Variants in FOXA3 observed in about 807,000 individuals in gnomAD.
FOXA3 encodes the protein forkhead box A3.
FOXA3 carries 11 observed loss-of-function variants against 16.9 expected under a neutral mutation model. The observed-to-expected ratio is 0.65, with a 90% CI of 0.41 to 1.08. FOXA3 has a LOEUF of 1.08. FOXA3 is among the 50% of genes least tolerant of loss of function. FOXA3 has a pLI of 0.00. For missense variants in FOXA3, 423 were observed against 470.1 expected, an observed-to-expected ratio of 0.90 and a Z score of 0.93; for synonymous variants, 217 against 203.3, an observed-to-expected ratio of 1.07 and a Z score of -0.57.
chr19:45,872,726 A>G lies in FOXA3; in HGVS notation c.721A>G (p.Thr241Ala), dbSNP rs1966921106. 1 of 1,601,602 alleles carries G rather than the reference A, an allele frequency of 6.2e-7. No homozygotes were observed. Among genetic ancestry groups the G allele is most frequent in the East Asian group, 2.3e-5 (1 of 44,408 alleles). The change falls in exon 2 of 2, where the codon ACC becomes GCC. Residue 241 changes from threonine to alanine, a missense_variant. By Grantham distance (58) the Thr-to-Ala change is moderately conservative. This residue lies in a region of FOXA3 where 168 missense variants were observed against 179.3 expected (regional missense o/e 0.94). Transcript: ENST00000302177. This position sits in a 1 kb window ranked among gnomAD's most constrained non-coding sequence, Gnocchi z 4.5. ...CGGGACAGGGTCTGCTGCCTCGACC[A>G]CCACCCCCGCGGCCACAGTCACCTC... is the stretch of plus-strand genomic sequence containing the variant. ...RNGTGSAAST[T>A]TPAATVTSPP... is the part of the protein sequence containing the mutation.
intron 1 of FOXA3, among the ~76,000 whole-genome samples, chr19:45,866,239 T>C (rs1972083975): frequency 6.6e-6 from 1 of 151,918 alleles, no homozygotes; most frequent in Non-Finnish European, 1.5e-5. Context: ...TAGGGAGACC[T>C]TGTCTTTAAA....
intron 1 of FOXA3, among the ~76,000 whole-genome samples, chr19:45,869,988 G>A (rs889386048): frequency 1.3e-5 from 2 of 151,780 alleles, no homozygotes; most frequent in Non-Finnish European, 2.9e-5. Flanking sequence ...GTTTTGCCAT[G>A]TTGGCCAGGC....
chr19:45,867,471 GGATA>G (rs1488972596), intron 1 of FOXA3, among the ~76,000 whole-genome samples: 4 of 151,644 alleles, frequency 2.6e-5, no homozygotes, highest in South Asian at 2.1e-4. Flanking sequence ...ATGGATGGAT[GGATA>G]GATAGATTGA....
intron 1 of FOXA3, among the ~76,000 whole-genome samples, chr19:45,870,192 G>A (rs940348561): frequency 7.3e-5 from 10 of 136,616 alleles, no homozygotes; most frequent in African/African-American, 1.4e-4. Flanking sequence ...TTTTTTTTGA[G>A]ACAGAATCTC....
In FOXA3 at chr19:45,872,041, G is replaced by A. The variant is rs762614607; in HGVS notation, c.70-34G>A. The A allele has an allele frequency of 1.7e-5, 27 of 1,603,714 alleles. No individual in the cohort carries two copies. Among genetic ancestry groups the A allele is most frequent in the Non-Finnish European group, 2.0e-5 (24 of 1,174,164 alleles). On this transcript the variant is annotated intron_variant, in intron 1 of 1. Transcript: ENST00000302177. The surrounding 1 kb of genome is among the most constrained non-coding windows in gnomAD (Gnocchi z 4.5). The stretch of plus-strand genomic sequence containing the variant: ...ATCCTTTGCTGACCAGCAGAGTGGA[G>A]CCCCACTGACCCCTCCTTTCATCTT...
chr19:45,871,676 T>C (rs1441235428), intron 1 of FOXA3, among the ~76,000 whole-genome samples: 1 of 151,522 alleles, frequency 6.6e-6, no homozygotes, highest in African/African-American at 2.4e-5. Context: ...GGAGGTTGCA[T>C]TGAGGTGAGA....
At chr19:45,867,414 G>GAGATAGAT (rs10682335) in intron 1 of FOXA3, among the ~76,000 whole-genome samples, 19,097 of 143,440 alleles carry the variant, frequency 0.13, 1,308 homozygotes, top group South Asian at 0.17. Flanking sequence ...TGAAGGGAGG[G>GAGATAGAT]AGATAGATAG....
Position 45,873,145 on chromosome 19 carries a change from G to T in FOXA3, c.*87G>T. On this transcript the variant is annotated 3_prime_UTR_variant, in exon 2 of 2. Transcript: ENST00000302177. ...TGATCCTTCTGGTGACACTTCACTT[G>T]TCCCATTGGTTAACATCTGGGTGGG... 1 of 1,542,334 alleles carries T rather than the reference G, an allele frequency of 6.5e-7. No homozygotes were observed. The highest frequency in any genetic ancestry group is 8.8e-7 in the Non-Finnish European group (1 of 1,142,046).
Position 45,873,039 on chromosome 19 carries a change from C to T in FOXA3, c.1034C>T (p.Ser345Phe). 1.2e-6 allele frequency: 2 copies of T among 1,601,282 alleles called. No individual in the cohort carries two copies. Among genetic ancestry groups the T allele is most frequent in the Non-Finnish European group, 1.7e-6 (2 of 1,173,524 alleles). ...GVYYQGLYSRSLLNAS is the reference protein window; with the variant it reads ...GVYYQGLYSRFLLNAS ...TACTACCAGGGCCTCTATTCCCGCTCTTTGCTTAATGCATCCTAGCAGGGG... is the reference window on the plus strand; with the variant it reads ...TACTACCAGGGCCTCTATTCCCGCTTTTTGCTTAATGCATCCTAGCAGGGG... Residue 345 changes from serine (S) to phenylalanine (F), a missense_variant, in exon 2 of 2, where the codon TCT (serine) becomes TTT (phenylalanine). This residue lies in a region of FOXA3 where 168 missense variants were observed against 179.3 expected (regional missense o/e 0.94). Coordinates refer to ENST00000302177, the MANE Select transcript of FOXA3 (RefSeq NM_004497.3).
intron 1 of FOXA3, among the ~76,000 whole-genome samples, chr19:45,865,685 C>T (rs563509271): frequency 4.6e-5 from 7 of 152,028 alleles, no homozygotes; most frequent in Non-Finnish European, 7.4e-5. Flanking sequence ...GGGCTCGAAA[C>T]TGTAGGGTGG....
intron 1 of FOXA3, among the ~76,000 whole-genome samples, chr19:45,868,563 C>T (rs764152696): frequency 7.2e-6 from 1 of 139,370 alleles, no homozygotes; most frequent in East Asian, 2.1e-4. Flanking sequence ...CTGGGCGATA[C>T]AGTGAGACTC....
rs1218486591 is a variant in FOXA3 at position 45,870,618 on chromosome 19, A to C, written c.70-1457A>C. ...AGTCTTGCTCTGTTGTCCTGGCTGG[A>C]GTGTGCAGTGGCATGATCTCAGCTC... On this transcript the variant is annotated intron_variant, in intron 1 of 1. Coordinates refer to ENST00000302177, the MANE Select transcript of FOXA3 (RefSeq NM_004497.3). Among the ~76,000 whole-genome samples, 7 of 118,444 alleles carry C rather than the reference A, an allele frequency of 5.9e-5. No homozygotes were observed. The Admixed American group carries it at 6.7e-4, about 11-fold the overall frequency. The allele number at this position is 118,444 out of a possible 152,430, so 77.7% of individuals were successfully genotyped here. A position where few individuals can be genotyped will look rare whatever the true frequency, so the allele number is the denominator to read the frequency against.
In FOXA3 at chr19:45,864,431, G is replaced by A. The variant is rs748631272; in HGVS notation, c.-26G>A. On this transcript the variant is annotated 5_prime_UTR_variant, in exon 1 of 2. Coordinates refer to ENST00000302177, the MANE Select transcript of FOXA3 (RefSeq NM_004497.3). ...TCCGTTCCCCCGGGGCCGGAGCGGG[G>A]GCGGGTGGGGGCGTAAGCCCGGGGG... 7.1e-7 allele frequency: 1 copy of A among 1,408,640 alleles called. No homozygotes were observed. The highest frequency in any genetic ancestry group is 9.4e-7 in the Non-Finnish European group (1 of 1,067,576). 87.3% of individuals were successfully genotyped at this position (1,408,640 alleles called of 1,614,324 possible).
At chr19:45,868,533 T>C (rs867401924) in intron 1 of FOXA3, among the ~76,000 whole-genome samples, 27 of 149,756 alleles carry the variant, frequency 1.8e-4, no homozygotes, top group Middle Eastern at 3.5e-3. Flanking sequence ...TGAGCTGAGA[T>C]TGCACCACTG....
At position 45,872,025 on chromosome 19, in the gene FOXA3, TGACCAGCA is replaced by T; in HGVS notation, c.70-47_70-40del. Reference sequence around the variant, plus strand: ...CTCAGTGGGTCCTGGGATCCTTTGCTGACCAGCAGAGTGGAGCCCCACTGACCCCTCCT... The same window carrying T: ...CTCAGTGGGTCCTGGGATCCTTTGCTGAGTGGAGCCCCACTGACCCCTCCT... On this transcript the variant is annotated intron_variant, in intron 1 of 1. Coordinates refer to ENST00000302177, the MANE Select transcript of FOXA3 (RefSeq NM_004497.3). This position sits in a 1 kb window ranked among gnomAD's most constrained non-coding sequence, Gnocchi z 4.5. The T allele has an allele frequency of 6.3e-7, 1 of 1,584,470 alleles. No individual in the cohort carries two copies. The highest frequency in any genetic ancestry group is 8.6e-7 in the Non-Finnish European group (1 of 1,160,218).
At chr19:45,873,786 GTCCGCCTCTTACT>G (rs2146363902) in exon 2 of FOXA3, 1 of 152,786 alleles carries the variant, frequency 6.5e-6, no homozygotes, top group South Asian at 2.1e-4. Context: ...AAGGTACCGT[GTCCGCCTCTTACT>G]GAATGTCTCT....
intron 1 of FOXA3, among the ~76,000 whole-genome samples, chr19:45,867,925 C>T (rs1334838441): frequency 1.4e-5 from 2 of 146,994 alleles, no homozygotes; most frequent in African/African-American, 2.5e-5. Context: ...GAGAGAGAGA[C>T]AGGGGCCGAG....
At chr19:45,870,553 C>G (rs969019136) in intron 1 of FOXA3, among the ~76,000 whole-genome samples, 13 of 148,820 alleles carry the variant, frequency 8.7e-5, no homozygotes, top group South Asian at 2.1e-4. Flanking sequence ...GTTTTGGTCT[C>G]AGGACCACCC....
At position 45,872,163 on chromosome 19, in the gene FOXA3, G is replaced by T; in HGVS notation, c.158G>T (p.Gly53Val). 1 of 1,589,388 alleles carries T rather than the reference G, an allele frequency of 6.3e-7. No individual in the cohort carries two copies. Among genetic ancestry groups the T allele is most frequent in the Non-Finnish European group, 8.6e-7 (1 of 1,167,310 alleles). The change falls in exon 2 of 2, where the codon GGG (glycine) becomes GTG (valine). Residue 53 changes from glycine to valine, a missense_variant. Physicochemically the swap from Gly to Val is moderately radical, Grantham distance 109. Around this residue, in one of 3 missense-constraint regions of FOXA3, gnomAD observed 170 missense variants for 153.9 expected, o/e 1.10. Transcript: ENST00000302177. The surrounding 1 kb of genome is among the most constrained non-coding windows in gnomAD (Gnocchi z 4.5). Reference protein sequence around the residue: ...LNPLSSPYPPGGLPASPLPSG... With the variant: ...LNPLSSPYPPVGLPASPLPSG... ...CCTCTAAGCTCTCCCTATCCCCCTG[G>T]GGGGCTCCCTGCCTCCCCACTGCCC...
Sources: allele counts gnomAD v4.1 joint callset (sites outside exome capture counted in the v4.1 genomes callset), GRCh38; gene constraint gnomAD v4.1.1; regional missense constraint gnomAD v4.1.1; non-coding constraint Gnocchi (gnomAD v3.1); transcripts MANE v1.5; gene names NCBI Gene and HGNC (gene_info 2026-07-23, HGNC 2026-07-21).